The following SH3RF3 variants were observed in gnomAD, a reference collection of about 807,000 sequenced individuals.
SH3RF3 encodes SH3 domain containing ring finger 3.
A neutral mutation model predicts 66.3 loss-of-function variants in SH3RF3; 29 were observed. The observed-to-expected ratio is 0.44, with a 90% CI of 0.33 to 0.60. The LOEUF is 0.60. Among genes scored for constraint, SH3RF3 ranks in the 20% least tolerant of loss-of-function variants. The probability of loss-of-function intolerance (pLI) is 0.04; values close to 1 mark genes in which losing one functional copy is unlikely to be tolerated. For synonymous variants in SH3RF3, 583 were observed against 532.0 expected, an observed-to-expected ratio of 1.10 and a Z score of -1.32; for missense variants, 1,194 against 1,190.9, an observed-to-expected ratio of 1.00 and a Z score of -0.04.
intron 1 of SH3RF3, among the ~76,000 whole-genome samples, chr2:109,157,261 A>T (rs1677369044): frequency 1.3e-5 from 2 of 152,218 alleles, no homozygotes; most frequent in African/African-American, 4.8e-5. Context: ...ACTTGCAGTC[A>T]GGCCAGCAGA....
chr2:109,237,571 A>T (rs1273709205), intron 1 of SH3RF3, among the ~76,000 whole-genome samples: 2 of 152,116 alleles, frequency 1.3e-5, no homozygotes, highest in Admixed American at 1.3e-4. Flanking sequence ...AAATTCGCAA[A>T]CTTTCTTAAA....
rs138831569 is a variant in SH3RF3, at chr2:109,288,322, G to A, written c.574-59352G>A. Among the ~76,000 whole-genome samples, 394 of 152,312 alleles carry A rather than the reference G, an allele frequency of 2.6e-3. 1 individual carries two copies. Among genetic ancestry groups the A allele is most frequent in the African/African-American group, 8.9e-3 (369 of 41,578 alleles). On this transcript the variant is annotated intron_variant, in intron 1 of 9. Transcript: ENST00000309415. ...CAGAGTTATTGCAGGCATGGAGTCCGGGGAGTTGCCCATAGTTCTTAATGT... is the reference window on the plus strand; with the variant it reads ...CAGAGTTATTGCAGGCATGGAGTCCAGGGAGTTGCCCATAGTTCTTAATGT...
intron 7 of SH3RF3, among the ~76,000 whole-genome samples, chr2:109,443,604 G>A (rs1677631789): frequency 6.6e-6 from 1 of 152,080 alleles, no homozygotes; most frequent in Non-Finnish European, 1.5e-5. Context: ...AAGCTGGAGT[G>A]GTTATCTTAA....
Position 109,245,555 on chromosome 2 carries a change from A to T in SH3RF3, c.574-102119A>T, listed in dbSNP as rs148302896. 6.6e-5 allele frequency among the ~76,000 whole-genome samples: 10 copies of T among 152,306 alleles called. No homozygotes were observed. The East Asian group carries it at 1.5e-3, about 23-fold the overall frequency. On this transcript the variant is annotated intron_variant, in intron 1 of 9. Transcript: ENST00000309415. ...TTTTTATTTTTATTGGACAAACTGC[A>T]CCTCTAGCCTGACATGTTATTATAG... is the stretch of plus-strand genomic sequence containing the variant.
At chr2:109,363,070 G>A (rs1352631042) in intron 2 of SH3RF3, among the ~76,000 whole-genome samples, 1 of 152,058 alleles carries the variant, frequency 6.6e-6, no homozygotes, top group East Asian at 1.9e-4. Context: ...GTGTGATAGA[G>A]TCAGGTTAAA....
intron 1 of SH3RF3, among the ~76,000 whole-genome samples, chr2:109,331,001 A>G (rs1214061007): frequency 3.9e-5 from 6 of 152,224 alleles, no homozygotes; most frequent in Non-Finnish European, 7.3e-5. Flanking sequence ...GTCTAAGTCC[A>G]TATAAAAAGC....
At chr2:109,141,385 G>C (rs1352222173) in intron 1 of SH3RF3, 1 of 152,618 alleles carries the variant, frequency 6.6e-6, no homozygotes, top group East Asian at 1.9e-4. Flanking sequence ...GTGATGAGTG[G>C]GGCTCAGAGC....
intron 1 of SH3RF3, among the ~76,000 whole-genome samples, chr2:109,285,583 G>A (rs1423768999): frequency 6.6e-6 from 1 of 152,210 alleles, no homozygotes; most frequent in Non-Finnish European, 1.5e-5. Context: ...GTCATGTTCT[G>A]GCCACGGTCA....
At chr2:109,189,303 C>T (rs1678279572) in intron 1 of SH3RF3, among the ~76,000 whole-genome samples, 1 of 151,786 alleles carries the variant, frequency 6.6e-6, no homozygotes, top group Admixed American at 6.6e-5. Context: ...TGTCAGGCTC[C>T]ACCTGACACC....
chr2:109,191,028 A>G (rs1462094934), intron 1 of SH3RF3, among the ~76,000 whole-genome samples: 1 of 151,918 alleles, frequency 6.6e-6, no homozygotes, highest in Non-Finnish European at 1.5e-5. Flanking sequence ...GAGAGTAAAT[A>G]TTTCAGGCTT....
At chr2:109,278,010 CAAAAA>C (rs58675048) in intron 1 of SH3RF3, among the ~76,000 whole-genome samples, 20 of 81,326 alleles carry the variant, frequency 2.5e-4, no homozygotes, top group Middle Eastern at 9.3e-3. Flanking sequence ...CTGTCTCTAA[CAAAAA>C]AAAAAAAAAA....
At chr2:109,297,253 C>T (rs1001313520) in intron 1 of SH3RF3, among the ~76,000 whole-genome samples, 12 of 151,926 alleles carry the variant, frequency 7.9e-5, no homozygotes, top group African/African-American at 2.2e-4. Flanking sequence ...TCATCATCAT[C>T]GTCATCACTG....
intron 5 of SH3RF3, among the ~76,000 whole-genome samples, chr2:109,423,111 C>T (rs952981930): frequency 1.3e-5 from 2 of 152,166 alleles, no homozygotes; most frequent in African/African-American, 4.8e-5. Context: ...AAACTAGGTA[C>T]CCTGTGAGGT....
chr2:109,484,289 A>T (rs1678912725), intron 8 of SH3RF3, among the ~76,000 whole-genome samples: 1 of 151,270 alleles, frequency 6.6e-6, no homozygotes, highest in African/African-American at 2.4e-5. Flanking sequence ...CTGGTCTCGA[A>T]CTCCTGACCT....
chr2:109,144,312 G>C (rs1434734105), intron 1 of SH3RF3, among the ~76,000 whole-genome samples: 1 of 152,162 alleles, frequency 6.6e-6, no homozygotes, highest in Non-Finnish European at 1.5e-5. Flanking sequence ...TTATTTGTCT[G>C]TTATACCTCA....
intron 1 of SH3RF3, among the ~76,000 whole-genome samples, chr2:109,275,039 A>G (rs564638783): frequency 6.6e-5 from 10 of 152,356 alleles, no homozygotes; most frequent in South Asian, 6.2e-4. Context: ...ATAGATTACC[A>G]TAATGTAAAA....
chr2:109,248,656 C>T (rs1679978075), intron 1 of SH3RF3, among the ~76,000 whole-genome samples: 1 of 152,172 alleles, frequency 6.6e-6, no homozygotes. Flanking sequence ...ATAATTAGTA[C>T]ACTTGGTGAG....
intron 4 of SH3RF3, among the ~76,000 whole-genome samples, chr2:109,405,858 C>G (rs1277947924): frequency 6.6e-6 from 1 of 152,232 alleles, no homozygotes; most frequent in Non-Finnish European, 1.5e-5. Flanking sequence ...TGCCACTGGC[C>G]CACAGGTGGG....
chr2:109,173,129 A>C (rs759686889), intron 1 of SH3RF3, among the ~76,000 whole-genome samples: 5 of 152,214 alleles, frequency 3.3e-5, no homozygotes, highest in Non-Finnish European at 7.3e-5. Context: ...TTTTAACTCA[A>C]ATTTTAAAAA....
Sources: allele counts gnomAD v4.1 joint callset (sites outside exome capture counted in the v4.1 genomes callset), GRCh38; gene constraint gnomAD v4.1.1; transcripts MANE v1.5; gene names NCBI Gene and HGNC (gene_info 2026-07-23, HGNC 2026-07-21).